Variants in GFOD1 observed in about 807,000 individuals in gnomAD.
The protein encoded by GFOD1 is glucose-fructose oxidoreductase domain-containing protein 1.
A neutral mutation model predicts 25.4 loss-of-function variants in GFOD1; 9 were observed. The observed-to-expected ratio is 0.35, with a 90% confidence interval of 0.21 to 0.62. The LOEUF (loss-of-function observed/expected upper bound fraction) is 0.62. Among genes scored for constraint, GFOD1 ranks in the 20% least tolerant of loss-of-function variants. The pLI is 0.72. For missense variants in GFOD1, 403 were observed against 556.9 expected, an observed-to-expected ratio of 0.72 and a Z score of 2.78; for synonymous variants, 253 against 245.6, an observed-to-expected ratio of 1.03 and a Z score of -0.28.
intron 1 of GFOD1, among the ~76,000 whole-genome samples, chr6:13,409,517 G>C (rs1052057902): frequency 1.3e-5 from 2 of 152,246 alleles, no homozygotes; most frequent in African/African-American, 2.4e-5. Flanking sequence ...TTTATGCACA[G>C]AGAGATAGTA....
chr6:13,470,662 G>A (rs1758482185), intron 1 of GFOD1: 2 of 1,440,854 alleles, frequency 1.4e-6, no homozygotes, highest in Admixed American at 3.1e-5. Flanking sequence ...CAGAGAAGAG[G>A]AACACATCTC....
intron 1 of GFOD1, among the ~76,000 whole-genome samples, chr6:13,429,004 C>T (rs556235418): frequency 2.0e-5 from 3 of 152,310 alleles, no homozygotes; most frequent in South Asian, 2.1e-4. Context: ...TCCCTGAGCA[C>T]GTGAGCCAGC....
chr6:13,363,555 CTTTTTTTTTTTTTT>C lies in GFOD1; in HGVS notation c.*1174_*1187del, dbSNP rs72062296. 5.4e-4 allele frequency: 43 copies of C among 78,944 alleles called. No individual in the cohort carries two copies. In the Admixed American group the frequency reaches 6.0e-3, roughly 11 times the overall value. 4.9% of individuals were successfully genotyped at this position (78,944 alleles called of 1,614,324 possible). A position where few individuals can be genotyped will look rare whatever the true frequency, so the allele number is the denominator to read the frequency against. On this transcript the variant is annotated 3_prime_UTR_variant, in exon 2 of 2. Transcript: ENST00000379287. ...GCAAATGCTGGAGCTAAGGAAAATCCTTTTTTTTTTTTTTTTTTTTTTTTTTTTTGTAAGGAAAG... is the reference window on the plus strand; with the variant it reads ...GCAAATGCTGGAGCTAAGGAAAATCCTTTTTTTTTTTTTTTGTAAGGAAAG...
At chr6:13,435,194 AAC>A (rs1334401423) in intron 1 of GFOD1, among the ~76,000 whole-genome samples, 3 of 152,216 alleles carry the variant, frequency 2.0e-5, no homozygotes, top group African/African-American at 7.2e-5. Flanking sequence ...ATGGAACTCA[AAC>A]ACAGAGCAGC....
intron 1 of GFOD1, among the ~76,000 whole-genome samples, chr6:13,475,810 G>C (rs1463881139): frequency 6.6e-6 from 1 of 151,760 alleles, no homozygotes; most frequent in Non-Finnish European, 1.5e-5. Flanking sequence ...CGTAATCCCA[G>C]CTACTTGGGA....
At position 13,477,890 on chromosome 6, in the gene GFOD1, C is replaced by T. The variant is rs1169311826; in HGVS notation, c.253+8748G>A. On this transcript the variant is annotated intron_variant, in intron 1 of 1. Coordinates refer to ENST00000379287, the MANE Select transcript of GFOD1 (RefSeq NM_018988.4). The stretch of plus-strand genomic sequence containing the variant: ...AGACCAGCCTGGCCAACATGGCGAC[C>T]CCATCTCTATCAAAAATACAAAAAT... 2.0e-5 allele frequency among the ~76,000 whole-genome samples: 3 copies of T among 151,704 alleles called. No homozygotes were observed. In the South Asian group the frequency reaches 6.2e-4, roughly 31 times the overall value.
At chr6:13,469,626 T>C in intron 1 of GFOD1, 1 of 1,112,390 alleles carries the variant, frequency 9.0e-7, no homozygotes, top group Non-Finnish European at 1.1e-6. Flanking sequence ...CTTGCCAAAA[T>C]ACCATATTTC....
chr6:13,410,614 G>GAGAGA (rs1786057440), intron 1 of GFOD1, among the ~76,000 whole-genome samples: 15 of 144,566 alleles, frequency 1.0e-4, no homozygotes, highest in South Asian at 2.2e-4. Flanking sequence ...GAGAGAGAGA[G>GAGAGA]GAAGGAAGAA....
chr6:13,382,349 G>GGT (rs1190269418), intron 1 of GFOD1, among the ~76,000 whole-genome samples: 1 of 18,204 alleles, frequency 5.5e-5, no homozygotes, highest in East Asian at 3.0e-3. Context: ...TTGAATCATG[G>GGT]GGGGGGGGGT....
intron 1 of GFOD1, among the ~76,000 whole-genome samples, chr6:13,465,790 A>G (rs1248151611): frequency 3.3e-5 from 5 of 152,180 alleles, no homozygotes; most frequent in Non-Finnish European, 7.3e-5. Context: ...TGAGAAACCT[A>G]CCAAGGTTTC....
At chr6:13,416,986 C>T (rs1161078970) in intron 1 of GFOD1, among the ~76,000 whole-genome samples, 1 of 152,214 alleles carries the variant, frequency 6.6e-6, no homozygotes, top group Non-Finnish European at 1.5e-5. Context: ...GCTTCTCAAG[C>T]TATCCCATCA....
chr6:13,406,228 C>T (rs1455058829), intron 1 of GFOD1, among the ~76,000 whole-genome samples: 1 of 152,146 alleles, frequency 6.6e-6, no homozygotes, highest in Non-Finnish European at 1.5e-5. Flanking sequence ...CACTATAAAC[C>T]CACTAACACT....
intron 1 of GFOD1, among the ~76,000 whole-genome samples, chr6:13,477,367 T>C (rs1025795855): frequency 5.3e-5 from 8 of 151,360 alleles, no homozygotes; most frequent in African/African-American, 1.9e-4. Context: ...CATAGAAGAG[T>C]TGATGTTGCA....
chr6:13,474,962 C>T (rs780914024), intron 1 of GFOD1, among the ~76,000 whole-genome samples: 13 of 152,238 alleles, frequency 8.5e-5, no homozygotes, highest in African/African-American at 2.2e-4. Context: ...GAATTCGTTC[C>T]GCTGTACTAG....
Position 13,362,472 on chromosome 6 carries a change from A to G in GFOD1, c.*2271T>C, listed in dbSNP as rs1247558166. The G allele has an allele frequency of 6.6e-6, 1 of 152,114 alleles. No individual in the cohort carries two copies. Among genetic ancestry groups the G allele is most frequent in the Non-Finnish European group, 1.5e-5 (1 of 68,152 alleles). The allele number at this position is 152,114 out of a possible 1,614,324, so 9.4% of individuals were successfully genotyped here. On this transcript the variant is annotated 3_prime_UTR_variant, in exon 2 of 2. Coordinates refer to ENST00000379287, the MANE Select transcript of GFOD1 (RefSeq NM_018988.4). ...GCGAGACTCCATTTCAAAAAAAAAA[A>G]AAAAAAAAGAAGAAGAATGTGAACC...
At position 13,363,211 on chromosome 6, in the gene GFOD1, C is replaced by CTGTGTA. The variant is rs1784972809; in HGVS notation, c.*1531_*1532insTACACA. On this transcript the variant is annotated 3_prime_UTR_variant, in exon 2 of 2. Coordinates refer to ENST00000379287, the MANE Select transcript of GFOD1 (RefSeq NM_018988.4). ...TTGTCGGTAGCAACCATTCAAAAAT[C>CTGTGTA]TGTGTGTGTGTGTGTGTGTGTGTGT... 1 of 148,734 alleles carries CTGTGTA rather than the reference C, an allele frequency of 6.7e-6. No individual in the cohort carries two copies. The highest frequency in any genetic ancestry group is 6.7e-5 in the Admixed American group (1 of 14,906). 9.2% of individuals were successfully genotyped at this position (148,734 alleles called of 1,614,324 possible).
At chr6:13,483,222 G>T (rs56376099) in intron 1 of GFOD1, among the ~76,000 whole-genome samples, 9,536 of 152,118 alleles carry the variant, frequency 0.063, 423 homozygotes, top group Non-Finnish European at 0.095. Context: ...TAGGGTGGGG[G>T]GTTTGAGGGA....
At chr6:13,379,119 C>G (rs1318636501) in intron 1 of GFOD1, among the ~76,000 whole-genome samples, 3 of 152,184 alleles carry the variant, frequency 2.0e-5, no homozygotes, top group African/African-American at 7.2e-5. Context: ...TGCCAAGGCC[C>G]AGGGAGTGGT....
At chr6:13,484,921 G>C (rs557765806) in intron 1 of GFOD1, among the ~76,000 whole-genome samples, 78 of 152,246 alleles carry the variant, frequency 5.1e-4, no homozygotes, top group Non-Finnish European at 7.8e-4. Flanking sequence ...GTATACGCAG[G>C]GCTCATCAGG....
Sources: allele counts gnomAD v4.1 joint callset (sites outside exome capture counted in the v4.1 genomes callset), GRCh38; gene constraint gnomAD v4.1.1; transcripts MANE v1.5; gene names NCBI Gene and HGNC (gene_info 2026-07-23, HGNC 2026-07-21).